The following EVL variants were observed in gnomAD, a reference collection of about 807,000 sequenced individuals.
EVL encodes the protein ena/VASP-like protein.
EVL carries 21 observed loss-of-function variants against 59.6 expected under a neutral mutation model. The ratio of observed to expected loss-of-function variants is 0.35; its 90% CI spans 0.25 to 0.51. The LOEUF (loss-of-function observed/expected upper bound fraction) is 0.51. EVL is among the 20% of genes least tolerant of loss of function. EVL has a pLI of 0.97. For synonymous variants in EVL, 198 were observed against 203.5 expected (o/e 0.97, Z 0.23); for missense variants, 462 against 546.6 (o/e 0.85, Z 1.54).
At chr14:100,063,047 AT>A (rs1448817713), upstream of EVL, among the ~76,000 whole-genome samples, 11 of 152,226 alleles carry the variant, frequency 7.2e-5, no homozygotes, top group South Asian at 1.4e-3. Flanking sequence ...GCAGTGAACT[AT>A]GATCACACCA....
intron 8 of EVL, chr14:100,135,261 G>C (rs1183928329): frequency 6.6e-6 from 1 of 152,254 alleles, no homozygotes; most frequent in African/African-American, 2.4e-5. Context: ...AAAGACCTCT[G>C]CCCACGGTGA....
chr14:100,003,412 T>A (rs1225008728), intron 1 of EVL, among the ~76,000 whole-genome samples: 3 of 152,100 alleles, frequency 2.0e-5, no homozygotes, highest in East Asian at 1.9e-4. Flanking sequence ...TTTATTATTT[T>A]TTATTTTTAT....
At chr14:100,073,037 C>T (rs1430714201) in intron 1 of EVL, among the ~76,000 whole-genome samples, 2 of 152,108 alleles carry the variant, frequency 1.3e-5, no homozygotes, top group African/African-American at 2.4e-5. Flanking sequence ...TGATTTCAAG[C>T]GTCTCTGTTT....
intron 1 of EVL, among the ~76,000 whole-genome samples, chr14:100,017,753 G>A (rs571121111): frequency 1.1e-4 from 17 of 152,306 alleles, no homozygotes; most frequent in Admixed American, 2.0e-4. Flanking sequence ...GGCAGATGCT[G>A]GTCATGAATA....
chr14:100,106,560 A>G, intron 3 of EVL: 1 of 285,274 alleles, frequency 3.5e-6, no homozygotes, highest in East Asian at 6.1e-5. Context: ...TTTATTATAG[A>G]CTGCTTCTCT....
chr14:100,007,774 GGA>G lies in EVL; in HGVS notation c.5+35735_5+35736del, dbSNP rs369729182. On this transcript the variant is annotated intron_variant, in intron 1 of 13. Coordinates refer to the EVL transcript ENST00000402714. ...GCAGATAGATACTTTCAGAGAGAGA[GGA>G]GAGAGAGAGAGAGAGAGGGAGAGAC... 7.2e-3 allele frequency among the ~76,000 whole-genome samples: 1,084 copies of G among 150,196 alleles called. 12 individuals carry two copies. Among genetic ancestry groups the G allele is most frequent in the African/African-American group, 0.024 (970 of 41,078 alleles).
upstream of EVL, among the ~76,000 whole-genome samples, chr14:100,065,113 GAGCT>G (rs2061903440): frequency 8.8e-6 from 1 of 114,002 alleles, no homozygotes. Flanking sequence ...TTAGACTATA[GAGCT>G]AGTTAGTGGG....
intron 1 of EVL, among the ~76,000 whole-genome samples, chr14:100,030,021 CT>C (rs1263504752): frequency 9.9e-5 from 15 of 152,008 alleles, no homozygotes; most frequent in Admixed American, 9.8e-4. Context: ...TTCTCTGTGC[CT>C]TGGTTGCCTT....
intron 3 of EVL, among the ~76,000 whole-genome samples, chr14:100,112,284 C>T (rs75631737): frequency 8.9e-4 from 136 of 152,338 alleles, no homozygotes; most frequent in African/African-American, 3.2e-3. Flanking sequence ...TGCCTATCTG[C>T]TGCCTGCCCT....
chr14:100,118,193 G>A (rs75019628), intron 3 of EVL, among the ~76,000 whole-genome samples: 10,841 of 152,156 alleles, frequency 0.071, 688 homozygotes, highest in East Asian at 0.37. Flanking sequence ...ACGCCTGACC[G>A]CCCGAGTCTC....
At chr14:100,119,529 C>A (rs1007779311) in intron 3 of EVL, among the ~76,000 whole-genome samples, 1 of 152,166 alleles carries the variant, frequency 6.6e-6, no homozygotes, top group African/African-American at 2.4e-5. Flanking sequence ...GAGAAGAAAG[C>A]GCTCCACCGA....
At chr14:100,027,037 C>T (rs1595579956) in intron 1 of EVL, among the ~76,000 whole-genome samples, 1 of 152,154 alleles carries the variant, frequency 6.6e-6, no homozygotes, top group East Asian at 1.9e-4. Context: ...TTGACAGTTT[C>T]ACCTGGTGTC....
At chr14:100,055,810 T>C (rs1256010889) in intron 1 of EVL, among the ~76,000 whole-genome samples, 2 of 142,870 alleles carry the variant, frequency 1.4e-5, no homozygotes, top group Admixed American at 1.4e-4. Flanking sequence ...CTTTTTTCTT[T>C]TTCTTTCTCT....
intron 3 of EVL, among the ~76,000 whole-genome samples, chr14:100,100,554 C>T (rs1886141599): frequency 1.3e-5 from 2 of 152,110 alleles, no homozygotes; most frequent in Non-Finnish European, 2.9e-5. Flanking sequence ...AGTCCCTGCA[C>T]TTAAGAATAG....
At chr14:100,044,242 C>T (rs370798501) in intron 1 of EVL, among the ~76,000 whole-genome samples, 12 of 152,254 alleles carry the variant, frequency 7.9e-5, no homozygotes, top group African/African-American at 2.4e-4. Context: ...TGTGAACCTG[C>T]GTAGCATAGT....
At chr14:100,055,073 C>T (rs2061706664) in intron 1 of EVL, among the ~76,000 whole-genome samples, 8 of 152,004 alleles carry the variant, frequency 5.3e-5, no homozygotes, top group Admixed American at 5.2e-4. Context: ...GTGGTGCATG[C>T]CTGTAATCCT....
intron 2 of EVL, among the ~76,000 whole-genome samples, chr14:100,087,188 G>A (rs1458313878): frequency 6.6e-6 from 1 of 152,146 alleles, no homozygotes; most frequent in Non-Finnish European, 1.5e-5. Flanking sequence ...CTAAATAGGT[G>A]GACATAAAAC....
At chr14:99,989,586 C>G (rs1164446334) in intron 1 of EVL, among the ~76,000 whole-genome samples, 1 of 152,146 alleles carries the variant, frequency 6.6e-6, no homozygotes, top group Non-Finnish European at 1.5e-5. Context: ...TATAAGGAAC[C>G]CACCCTCACA....
chr14:100,134,331 A>G (rs1888634045), intron 8 of EVL, among the ~76,000 whole-genome samples: 1 of 151,730 alleles, frequency 6.6e-6, no homozygotes, highest in Admixed American at 6.6e-5. Flanking sequence ...GAAAACTAAA[A>G]CTCTCGCTCC....
Sources: allele counts gnomAD v4.1 joint callset (sites outside exome capture counted in the v4.1 genomes callset), GRCh38; gene constraint gnomAD v4.1.1; transcripts MANE v1.5; gene names NCBI Gene and HGNC (gene_info 2026-07-23, HGNC 2026-07-21).